PCDHA8: variants seen among roughly 807,000 people sequenced by gnomAD.
PCDHA8 encodes the protein protocadherin alpha 8, also known as protocadherin alpha-8.
A neutral mutation model predicts 61.8 loss-of-function variants in PCDHA8; 53 were observed. The ratio of observed to expected loss-of-function variants is 0.86; its 90% CI spans 0.69 to 1.08. The LOEUF (loss-of-function observed/expected upper bound fraction) is 1.08, where lower values mean the gene tolerates loss of function less well. Ranked by LOEUF, PCDHA8 falls within the 50% of genes least tolerant of loss-of-function variation. The pLI is 0.00. For missense variants in PCDHA8, 1,293 were observed against 1,245.0 expected (o/e 1.04, Z -0.58); for synonymous variants, 618 against 556.6 (o/e 1.11, Z -1.55).
intron 1 of PCDHA8, chr5:140,864,420 G>A (rs1430010861): frequency 5.3e-5 from 8 of 152,158 alleles, no homozygotes; most frequent in African/African-American, 1.4e-4. Flanking sequence ...AGGCAGCTTC[G>A]TCCACAAACA....
chr5:140,951,545 G>C (rs1019007635), intron 1 of PCDHA8, among the ~76,000 whole-genome samples: 2 of 151,950 alleles, frequency 1.3e-5, no homozygotes, highest in Admixed American at 6.6e-5. Context: ...GCAAGGGACG[G>C]GGGGAAGTGC....
At chr5:140,862,291 C>G (rs1029513176) in intron 1 of PCDHA8, 4 of 265,238 alleles carry the variant, frequency 1.5e-5, no homozygotes, top group African/African-American at 6.6e-5. Context: ...TACAGGAGGA[C>G]GCTCCACTGG....
At chr5:140,850,475 G>C (rs2150485791) in intron 1 of PCDHA8, 7 of 1,597,894 alleles carry the variant, frequency 4.4e-6, no homozygotes, top group Middle Eastern at 1.7e-4. Flanking sequence ...CAGCGCTGAC[G>C]GCCACGGCCA....
At chr5:140,861,018 C>A (rs1263823889) in intron 1 of PCDHA8, 4 of 152,248 alleles carry the variant, frequency 2.6e-5, no homozygotes, top group Non-Finnish European at 4.4e-5. Flanking sequence ...CGAGTGCCAC[C>A]GCACCCGGCC....
intron 2 of PCDHA8, among the ~76,000 whole-genome samples, chr5:140,980,982 C>G (rs1208541065): frequency 6.6e-6 from 1 of 151,990 alleles, no homozygotes; most frequent in East Asian, 1.9e-4. Flanking sequence ...ACTGAGCCCA[C>G]ACAATTTGCT....
intron 1 of PCDHA8, among the ~76,000 whole-genome samples, chr5:140,917,332 G>C (rs182473611): frequency 8.9e-5 from 13 of 145,644 alleles, no homozygotes; most frequent in East Asian, 6.0e-4. Flanking sequence ...GGCGGGGGAG[G>C]GGGGGGATGG....
chr5:140,930,841 A>T (rs2087150671), intron 1 of PCDHA8, among the ~76,000 whole-genome samples: 1 of 152,230 alleles, frequency 6.6e-6, no homozygotes, highest in South Asian at 2.1e-4. Context: ...ATGAATAAAT[A>T]TGTGCATATA....
At chr5:140,991,205 A>C (rs1403144779) in intron 3 of PCDHA8, among the ~76,000 whole-genome samples, 3 of 152,226 alleles carry the variant, frequency 2.0e-5, no homozygotes, top group Admixed American at 2.0e-4. Context: ...TGCTCAATAA[A>C]TTTTGTTAAA....
intron 1 of PCDHA8, among the ~76,000 whole-genome samples, chr5:140,904,268 A>G (rs989389819): frequency 1.3e-5 from 2 of 152,004 alleles, no homozygotes; most frequent in African/African-American, 4.8e-5. Context: ...CCACTTATGA[A>G]TGAGAACATG....
intron 1 of PCDHA8, among the ~76,000 whole-genome samples, chr5:140,930,820 A>T (rs2153606213): frequency 6.6e-6 from 1 of 152,346 alleles, no homozygotes; most frequent in East Asian, 1.9e-4. Flanking sequence ...TGCTTAGTAA[A>T]TGCTGACTGA....
chr5:140,882,284 C>T (rs782560108), intron 1 of PCDHA8: 7 of 1,612,734 alleles, frequency 4.3e-6, no homozygotes, highest in Non-Finnish European at 5.9e-6. Context: ...GTCTTCCTGG[C>T]AAGGAGGCCC....
At chr5:140,986,673 A>G (rs782404000) in intron 3 of PCDHA8, among the ~76,000 whole-genome samples, 2 of 152,168 alleles carry the variant, frequency 1.3e-5, no homozygotes. Context: ...TTTTCAGAAG[A>G]GTTCAGAAAG....
intron 1 of PCDHA8, chr5:140,966,488 C>T: frequency 2.3e-6 from 1 of 440,248 alleles, no homozygotes; most frequent in Non-Finnish European, 3.9e-6. Flanking sequence ...TTTCCCTCCC[C>T]CTGGAGCTGT....
intron 1 of PCDHA8, chr5:140,858,585 T>G: frequency 7.4e-7 from 1 of 1,345,266 alleles, no homozygotes. Flanking sequence ...GTAATATAAT[T>G]TATTCCAGGA....
At chr5:140,937,869 G>A (rs1268422806) in intron 1 of PCDHA8, among the ~76,000 whole-genome samples, 1 of 150,376 alleles carries the variant, frequency 6.6e-6, no homozygotes, top group African/African-American at 2.5e-5. Flanking sequence ...CCGAGATCGC[G>A]CCACTGCACT....
At chr5:140,928,427 C>T in intron 1 of PCDHA8, 1 of 1,614,132 alleles carries the variant, frequency 6.2e-7, no homozygotes. Flanking sequence ...GCCAAAACTT[C>T]CTTTGACTTT....
At chr5:140,855,820 T>C (rs2043635230) in intron 1 of PCDHA8, 2 of 529,480 alleles carry the variant, frequency 3.8e-6, no homozygotes, top group South Asian at 3.2e-5. Flanking sequence ...AGTTGTGAAC[T>C]CATGGAATCG....
intron 1 of PCDHA8, chr5:140,884,185 G>T (rs1554181312): frequency 6.2e-7 from 1 of 1,613,444 alleles, no homozygotes. Context: ...CTCTGGACGA[G>T]GTGGACGCGC....
chr5:140,873,262 G>A (rs1196053156), intron 1 of PCDHA8, among the ~76,000 whole-genome samples: 2 of 152,136 alleles, frequency 1.3e-5, no homozygotes, highest in Non-Finnish European at 2.9e-5. Context: ...ACTCAAAAGT[G>A]ATTAAACCAT....
Sources: allele counts gnomAD v4.1 joint callset (sites outside exome capture counted in the v4.1 genomes callset), GRCh38; gene constraint gnomAD v4.1.1; transcripts MANE v1.5; gene names NCBI Gene and HGNC (gene_info 2026-07-23, HGNC 2026-07-21).